The following TBX15 variants were observed in gnomAD, a reference collection of about 807,000 sequenced individuals.
TBX15 encodes the protein T-box transcription factor 15.
TBX15 carries 18 observed loss-of-function variants against 53.9 expected under a neutral mutation model. The ratio of observed to expected loss-of-function variants is 0.33; its 90% CI spans 0.23 to 0.49. The LOEUF is 0.49. Ranked by LOEUF, TBX15 falls within the 20% of genes least tolerant of loss-of-function variation. The pLI is 0.98. For synonymous variants in TBX15, 295 were observed against 278.0 expected (o/e 1.06, Z -0.61); for missense variants, 692 against 749.5 (o/e 0.92, Z 0.90).
rs140463861 is a variant in TBX15, at chr1:118,923,505, C to G, written c.792G>C (p.Gly264=). 104 of 1,613,828 alleles carry G rather than the reference C, an allele frequency of 6.4e-5. No individual in the cohort carries two copies. Among genetic ancestry groups the G allele is most frequent in the Admixed American group, 1.5e-4 (9 of 59,966 alleles). ...DLSPTKPVPV[G]DGVKTFNFPE... Reference sequence around the variant, plus strand: ...GAAAGTTGAACGTTTTCACCCCATCCCCAACAGGAACAGGCTTAGTGGGTG... The same window carrying G: ...GAAAGTTGAACGTTTTCACCCCATCGCCAACAGGAACAGGCTTAGTGGGTG... Residue 264 remains glycine (G), a synonymous_variant, in exon 5 of 8, where the codon GGG becomes GGC. Transcript: ENST00000369429.
intron 7 of TBX15, among the ~76,000 whole-genome samples, chr1:118,898,349 G>A (rs1654500995): frequency 6.6e-6 from 1 of 152,084 alleles, no homozygotes. Context: ...GCTATGCCTG[G>A]GAAAGCTACA....
intron 1 of TBX15, among the ~76,000 whole-genome samples, chr1:118,985,085 A>G (rs1657784323): frequency 6.6e-6 from 1 of 152,154 alleles, no homozygotes. Flanking sequence ...TACTCTAGGC[A>G]TGAACGTGTG....
chr1:118,956,955 T>G (rs1330442885), intron 1 of TBX15, among the ~76,000 whole-genome samples: 1 of 90,072 alleles, frequency 1.1e-5, no homozygotes, highest in African/African-American at 3.8e-5. Flanking sequence ...AGAGCGAGAC[T>G]CCATCTCAAA....
chr1:118,971,305 AG>A (rs1657229714), intron 1 of TBX15, among the ~76,000 whole-genome samples: 1 of 152,220 alleles, frequency 6.6e-6, no homozygotes, highest in Non-Finnish European at 1.5e-5. Flanking sequence ...TCCAGAATAT[AG>A]AGAGATCAAC....
At chr1:118,910,537 C>A (rs574930154) in intron 6 of TBX15, among the ~76,000 whole-genome samples, 4 of 152,254 alleles carry the variant, frequency 2.6e-5, no homozygotes, top group Middle Eastern at 3.4e-3. Flanking sequence ...GCAAATAATT[C>A]TCTGTATCCT....
intron 1 of TBX15, among the ~76,000 whole-genome samples, chr1:118,983,230 T>A (rs540930636): frequency 2.6e-5 from 4 of 152,222 alleles, no homozygotes; most frequent in African/African-American, 9.6e-5. Flanking sequence ...TTCCTCCCTA[T>A]CACAGTCCAA....
chr1:118,983,675 C>A (rs569337675), intron 1 of TBX15, among the ~76,000 whole-genome samples: 1 of 152,338 alleles, frequency 6.6e-6, no homozygotes, highest in African/African-American at 2.4e-5. Context: ...CTTGACTCCT[C>A]GGAGCCAGGC....
chr1:118,893,210 G>A (rs771802181), intron 7 of TBX15, among the ~76,000 whole-genome samples: 2 of 150,212 alleles, frequency 1.3e-5, no homozygotes, highest in Non-Finnish European at 2.9e-5. Context: ...CTGCACTCCA[G>A]CCTGGGTGAC....
intron 1 of TBX15, among the ~76,000 whole-genome samples, chr1:118,958,429 C>T (rs1656763512): frequency 6.6e-6 from 1 of 152,196 alleles, no homozygotes; most frequent in Non-Finnish European, 1.5e-5. Context: ...CAGACTAAAA[C>T]AGACAGGATC....
intron 1 of TBX15, among the ~76,000 whole-genome samples, chr1:118,963,922 C>T (rs966793216): frequency 5.9e-5 from 9 of 152,128 alleles, no homozygotes; most frequent in Non-Finnish European, 1.3e-4. Context: ...AGTGAGGACG[C>T]CCAAGCTAGC....
At chr1:118,934,209 G>A (rs1655891722) in intron 1 of TBX15, among the ~76,000 whole-genome samples, 1 of 152,082 alleles carries the variant, frequency 6.6e-6, no homozygotes, top group African/African-American at 2.4e-5. Context: ...CAATGAAAAA[G>A]AATGAACTTA....
At chr1:118,970,292 G>T (rs529576596) in intron 1 of TBX15, among the ~76,000 whole-genome samples, 33 of 152,282 alleles carry the variant, frequency 2.2e-4, no homozygotes, top group African/African-American at 7.9e-4. Context: ...CACTTTGCGG[G>T]ATTTAGAATA....
chr1:118,983,902 T>C (rs1302306320), intron 1 of TBX15, among the ~76,000 whole-genome samples: 1 of 152,252 alleles, frequency 6.6e-6, no homozygotes, highest in Non-Finnish European at 1.5e-5. Flanking sequence ...CTCATCACTT[T>C]TTATTCGTTA....
chr1:118,913,870 T>G (rs1227794434), intron 6 of TBX15, among the ~76,000 whole-genome samples: 2 of 152,216 alleles, frequency 1.3e-5, no homozygotes, highest in Non-Finnish European at 1.5e-5. Context: ...AAATTTGTTT[T>G]AAGTGACTCA....
At chr1:118,899,920 A>G (rs1299623820) in intron 6 of TBX15, among the ~76,000 whole-genome samples, 2 of 152,144 alleles carry the variant, frequency 1.3e-5, no homozygotes, top group Non-Finnish European at 2.9e-5. Context: ...AAATTGGACT[A>G]TGTGCATACT....
At chr1:118,899,408 A>C (rs1571156181) in intron 6 of TBX15, among the ~76,000 whole-genome samples, 1 of 152,176 alleles carries the variant, frequency 6.6e-6, no homozygotes, top group Non-Finnish European at 1.5e-5. Context: ...CAGGCAAAAA[A>C]GCATGGTAAG....
chr1:118,966,971 A>G (rs1379768428), intron 1 of TBX15, among the ~76,000 whole-genome samples: 1 of 152,238 alleles, frequency 6.6e-6, no homozygotes, highest in Non-Finnish European at 1.5e-5. Context: ...CTCAGCACAG[A>G]CAAAAGCCAA....
intron 1 of TBX15, among the ~76,000 whole-genome samples, chr1:118,935,328 A>G (rs1317721937): frequency 2.0e-5 from 3 of 152,188 alleles, no homozygotes; most frequent in Non-Finnish European, 4.4e-5. Context: ...ATTTAGAAAT[A>G]TAATCAGTCA....
chr1:118,900,159 T>G (rs1008857294), intron 6 of TBX15, among the ~76,000 whole-genome samples: 5 of 151,910 alleles, frequency 3.3e-5, no homozygotes, highest in African/African-American at 9.7e-5. Flanking sequence ...AGAGGAGAAG[T>G]GTGGGACCTG....
Sources: allele counts gnomAD v4.1 joint callset (sites outside exome capture counted in the v4.1 genomes callset), GRCh38; gene constraint gnomAD v4.1.1; transcripts MANE v1.5; gene names NCBI Gene and HGNC (gene_info 2026-07-23, HGNC 2026-07-21).